The following BCO1 variants were observed in gnomAD, a reference collection of about 807,000 sequenced individuals.
BCO1 encodes the protein beta,beta-carotene 15,15'-dioxygenase.
In BCO1, 54 loss-of-function variants were observed where a neutral mutation model predicts 56.3. The ratio of observed to expected loss-of-function variants is 0.96; its 90% CI spans 0.77 to 1.20. The LOEUF (loss-of-function observed/expected upper bound fraction) is 1.20, where lower values mean the gene tolerates loss of function less well. Among genes scored for constraint, BCO1 ranks in the 50% most tolerant of loss-of-function variants. BCO1 has a pLI of 0.00. For synonymous variants in BCO1, 318 were observed against 266.1 expected, an observed-to-expected ratio of 1.20 and a Z score of -1.90; for missense variants, 801 against 690.9, an observed-to-expected ratio of 1.16 and a Z score of -1.79.
chr16:81,239,458 T>C (rs924559806), intron 1 of BCO1, among the ~76,000 whole-genome samples: 2 of 152,180 alleles, frequency 1.3e-5, no homozygotes, highest in Non-Finnish European at 2.9e-5. Context: ...TTACACATTA[T>C]AACTCCGTTT....
At position 81,270,226 on chromosome 16, in the gene BCO1, T is replaced by C. The variant is rs1324721528; in HGVS notation, c.911T>C (p.Met304Thr). 5 of 1,614,212 alleles carry C rather than the reference T, an allele frequency of 3.1e-6. No individual in the cohort carries two copies. The highest frequency in any genetic ancestry group is 2.2e-5 in the East Asian group (1 of 44,884). Residue 304 changes from methionine to threonine, a missense_variant, in exon 7 of 11, where the codon ATG becomes ACG. Physicochemically the swap from Met to Thr is moderately conservative, Grantham distance 81 (BLOSUM62 -1). Transcript: ENST00000258168. The stretch of plus-strand genomic sequence containing the variant: ...CAGACCAAGTTTTACACAGACGCCA[T>C]GGTGGTCTTCCATCACGTCAACGCC... ...PVQTKFYTDA[M>T]VVFHHVNAYE... is the part of the protein sequence containing the mutation.
intron 7 of BCO1, among the ~76,000 whole-genome samples, chr16:81,273,273 G>A (rs929358945): frequency 2.6e-5 from 4 of 152,068 alleles, no homozygotes; most frequent in Admixed American, 6.6e-5. Context: ...ATGAGCCACC[G>A]TGGCCGGCCC....
intron 5 of BCO1, 143 bp from the exon 6 acceptor site, chr16:81,267,765 A>G: frequency 5.5e-6 from 4 of 728,316 alleles, no homozygotes; most frequent in Non-Finnish European, 9.6e-6. Context: ...CAGCTGCAGC[A>G]ACCTTGTTGT....
intron 2 of BCO1, among the ~76,000 whole-genome samples, chr16:81,253,172 C>G (rs1905916236): frequency 6.6e-6 from 1 of 152,042 alleles, no homozygotes; most frequent in Non-Finnish European, 1.5e-5. Flanking sequence ...TGATTCCCAG[C>G]TTCCAGTCAA....
At chr16:81,248,405 C>A (rs369339479) in intron 2 of BCO1, among the ~76,000 whole-genome samples, 453 of 102,744 alleles carry the variant, frequency 4.4e-3, no homozygotes, top group Middle Eastern at 6.0e-3. Flanking sequence ...CTCCCTCTCA[C>A]AAAAAAAAAA....
chr16:81,248,069 G>A (rs916662272), intron 2 of BCO1, among the ~76,000 whole-genome samples: 1 of 151,958 alleles, frequency 6.6e-6, no homozygotes, highest in Non-Finnish European at 1.5e-5. Flanking sequence ...ATTATGTCTC[G>A]TGCACAACAC....
chr16:81,247,710 C>G (rs918634917), intron 2 of BCO1, among the ~76,000 whole-genome samples: 1 of 151,720 alleles, frequency 6.6e-6, no homozygotes, highest in Non-Finnish European at 1.5e-5. Flanking sequence ...ATTTTTAGTA[C>G]AGATGGGGTT....
At chr16:81,241,255 G>C (rs1460093626) in intron 1 of BCO1, among the ~76,000 whole-genome samples, 1 of 152,046 alleles carries the variant, frequency 6.6e-6, no homozygotes. Context: ...AGAGGTTGTA[G>C]TGAGCCAAGA....
At chr16:81,280,468 C>T (rs1048294751) in intron 7 of BCO1, among the ~76,000 whole-genome samples, 2 of 151,848 alleles carry the variant, frequency 1.3e-5, no homozygotes, top group Non-Finnish European at 2.9e-5. Context: ...TAAGCATTTC[C>T]CATGTTGTTG....
At chr16:81,267,855 G>T (rs34500060) in intron 5 of BCO1, 53 bp from the exon 6 acceptor site, 62 of 1,527,232 alleles carry the variant, frequency 4.1e-5, no homozygotes, top group South Asian at 1.5e-4. Context: ...TGTGGTCTTG[G>T]GGGGGCAGCC....
At chr16:81,259,258 C>CTT (rs1369401570) in intron 2 of BCO1, among the ~76,000 whole-genome samples, 1 of 152,134 alleles carries the variant, frequency 6.6e-6, no homozygotes, top group African/African-American at 2.4e-5. Context: ...CTTTGGGAGG[C>CTT]TGAGGCGGGT....
intron 2 of BCO1, among the ~76,000 whole-genome samples, chr16:81,250,171 C>A (rs762850951): frequency 4.6e-5 from 7 of 152,100 alleles, no homozygotes; most frequent in Non-Finnish European, 8.8e-5. Flanking sequence ...GGAATGAAGT[C>A]CCAGAGAGGC....
Position 81,268,022 on chromosome 16 carries a change from A to G in BCO1, c.734A>G (p.Tyr245Cys), listed in dbSNP as rs1029390527. 1.2e-6 allele frequency: 2 copies of G among 1,613,676 alleles called. No homozygotes were observed. Among genetic ancestry groups the G allele is most frequent in the Non-Finnish European group, 8.5e-7 (1 of 1,180,022 alleles). ...YYHSFGVTEN[Y>C]VIFLEQPFRL... Reference sequence around the variant, plus strand: ...CACAGCTTTGGAGTCACCGAGAACTATGTCATCTTCCTTGAGCAGCCTTTC... The same window carrying G: ...CACAGCTTTGGAGTCACCGAGAACTGTGTCATCTTCCTTGAGCAGCCTTTC... The change falls in exon 6 of 11, where the codon TAT (tyrosine) becomes TGT (cysteine). Residue 245 changes from tyrosine (Y) to cysteine (C), a missense_variant. Physicochemically the swap from Tyr to Cys is radical, Grantham distance 194. Transcript: ENST00000258168.
chr16:81,248,900 T>C lies in BCO1; in HGVS notation c.193+3297T>C, dbSNP rs185751659. Among the ~76,000 whole-genome samples, 20 of 152,156 alleles carry C rather than the reference T, an allele frequency of 1.3e-4. 1 individual carries two copies. In the East Asian group the frequency reaches 3.7e-3, roughly 28 times the overall value. On this transcript the variant is annotated intron_variant, in intron 2 of 10. Coordinates refer to ENST00000258168, the MANE Select transcript of BCO1 (RefSeq NM_017429.3). ...GGTGGCAGGCAACTGTAATCCCAGCTACTTGGGAGGCTGAGATAGGATAAT... is the reference window on the plus strand; with the variant it reads ...GGTGGCAGGCAACTGTAATCCCAGCCACTTGGGAGGCTGAGATAGGATAAT...
rs1392499769 is a variant in BCO1 at position 81,285,526 on chromosome 16, T to A, written c.1208-14T>A. 1 of 1,592,872 alleles carries A rather than the reference T, an allele frequency of 6.3e-7. No homozygotes were observed. Among genetic ancestry groups the A allele is most frequent in the Non-Finnish European group, 8.6e-7 (1 of 1,160,848 alleles). ...AATGATAGGGGCTTCATCCACCTCCTCATTTCCTTGTAGGCTTAGAGCTTC... is the reference window on the plus strand; with the variant it reads ...AATGATAGGGGCTTCATCCACCTCCACATTTCCTTGTAGGCTTAGAGCTTC... On this transcript the variant is annotated splice_polypyrimidine_tract_variant and intron_variant, in intron 8 of 10. Coordinates refer to ENST00000258168, the MANE Select transcript of BCO1 (RefSeq NM_017429.3).
intron 6 of BCO1, 146 bp downstream of exon 6, chr16:81,268,277 C>A: frequency 2.6e-6 from 2 of 779,168 alleles, no homozygotes; most frequent in Non-Finnish European, 4.3e-6. Flanking sequence ...CCAGCAAGTT[C>A]TGAAGCTGGA....
intron 3 of BCO1, chr16:81,261,872 G>T: frequency 5.1e-6 from 2 of 393,300 alleles, no homozygotes; most frequent in Non-Finnish European, 4.9e-6. Flanking sequence ...CTCCCGAGTA[G>T]CTGGGACTAC....
At chr16:81,287,200 A>G (rs187817762) in intron 9 of BCO1, 95 bp from the exon 10 acceptor site, 1 of 945,342 alleles carries the variant, frequency 1.1e-6, no homozygotes, top group Non-Finnish European at 1.7e-6. Context: ...GATGGGCTTC[A>G]TCTCCTCTGT....
intron 8 of BCO1, 94 bp from the exon 9 acceptor site, chr16:81,285,446 G>C: frequency 1.1e-6 from 1 of 930,278 alleles, no homozygotes; most frequent in African/African-American, 1.6e-5. Context: ...TGTGGAAACG[G>C]ATTCTGAGGA....
Sources: gnomAD v4.1 joint callset for allele counts (sites outside exome capture counted in the v4.1 genomes callset) on GRCh38, gnomAD v4.1.1 for gene constraint, MANE v1.5 for transcripts, NCBI Gene and HGNC (gene_info 2026-07-23, HGNC 2026-07-21) for gene names.